ZNF624: variants seen among roughly 807,000 people sequenced by gnomAD.
ZNF624 encodes zinc finger protein 624.
Under a neutral mutation model 74.7 loss-of-function variants are expected in ZNF624, and 43 were observed. The ratio of observed to expected loss-of-function variants is 0.58; its 90% CI spans 0.45 to 0.74. ZNF624 has a LOEUF of 0.74. Among genes scored for constraint, ZNF624 ranks in the 30% least tolerant of loss-of-function variants. The probability of loss-of-function intolerance (pLI) is 0.00; values close to 1 mark genes in which losing one functional copy is unlikely to be tolerated. For missense variants in ZNF624, 820 were observed against 1,030.0 expected, an observed-to-expected ratio of 0.80 and a Z score of 2.79; for synonymous variants, 331 against 341.3, an observed-to-expected ratio of 0.97 and a Z score of 0.33.
At position 16,621,764 on chromosome 17, in the gene ZNF624, G is replaced by C. The variant is rs1164793364; in HGVS notation, c.*524C>G. The C allele has an allele frequency of 1.3e-5, 2 of 152,200 alleles. No homozygotes were observed. The highest frequency in any genetic ancestry group is 1.3e-4 in the Admixed American group (2 of 15,274). 9.4% of individuals were successfully genotyped at this position (152,200 alleles called of 1,614,324 possible). On this transcript the variant is annotated 3_prime_UTR_variant, in exon 6 of 6. Coordinates refer to ENST00000311331, the MANE Select transcript of ZNF624 (RefSeq NM_020787.4). ...ATAAAAATCTTAAAAACACATTTAG[G>C]ATACTACGTATAACCTAGGGATTAA...
At chr17:16,616,274 G>T (rs1908791103), downstream of ZNF624, among the ~76,000 whole-genome samples, 2 of 151,704 alleles carry the variant, frequency 1.3e-5, no homozygotes, top group African/African-American at 4.8e-5. Flanking sequence ...GGCTTGCCTT[G>T]TTTACACTAA....
At chr17:16,648,465 T>A (rs1909645754) in intron 2 of ZNF624, among the ~76,000 whole-genome samples, 1 of 152,232 alleles carries the variant, frequency 6.6e-6, no homozygotes. Context: ...ATCTTCTATC[T>A]CTGATAGAGA....
At chr17:16,636,557 C>A (rs1301452794) in intron 3 of ZNF624, among the ~76,000 whole-genome samples, 1 of 152,162 alleles carries the variant, frequency 6.6e-6, no homozygotes, top group African/African-American at 2.4e-5. Context: ...AATCTCAGGG[C>A]CGGGCGCCGT....
downstream of ZNF624, chr17:16,616,748 G>C: frequency 1.4e-6 from 1 of 690,484 alleles, no homozygotes; most frequent in Non-Finnish European, 2.2e-6. Flanking sequence ...GTTTTCAAGA[G>C]ATTCCTCTTG....
chr17:16,617,173 C>T (rs2142555804), downstream of ZNF624: 2 of 1,612,668 alleles, frequency 1.2e-6, no homozygotes, highest in Non-Finnish European at 1.7e-6. Context: ...GCCTTTTGAT[C>T]GAGAACGTGA....
Position 16,622,611 on chromosome 17 carries a change from T to C in ZNF624, c.2275A>G (p.Lys759Glu). ...EKPYKCDVCG[K>E]AFRRGSYLTV... ...AGGTAAGAACCCCTCCTGAAGGCTT[T>C]TCCACAGACATCACACTTATAGGGC... The change falls in exon 6 of 6, where the codon AAA becomes GAA. Residue 759 changes from lysine to glutamate, a missense_variant. Transcript: ENST00000311331. The C allele has an allele frequency of 6.2e-7, 1 of 1,614,096 alleles. No individual in the cohort carries two copies. Among genetic ancestry groups the C allele is most frequent in the Non-Finnish European group, 8.5e-7 (1 of 1,179,980 alleles).
chr17:16,624,893 C>T (rs1909031275), intron 5 of ZNF624: 1 of 151,756 alleles, frequency 6.6e-6, no homozygotes, highest in African/African-American at 3.0e-5. Context: ...AAAAATTAGC[C>T]AGGCATGGTG....
intron 3 of ZNF624, among the ~76,000 whole-genome samples, chr17:16,635,572 A>G (rs2142611515): frequency 6.6e-6 from 1 of 152,304 alleles, no homozygotes; most frequent in East Asian, 1.9e-4. Flanking sequence ...AGTGACTTTG[A>G]AACAGTAATT....
Position 16,649,797 on chromosome 17 carries a change from G to C in ZNF624, c.-2-51C>G, listed in dbSNP as rs368286142. ...AACCAATCCTGCCTGGGGAATTTCA[G>C]ACTCACCAAGTTGGAATCCTGACAT... On this transcript the variant is annotated intron_variant, in intron 1 of 5. Coordinates refer to ENST00000311331, the MANE Select transcript of ZNF624 (RefSeq NM_020787.4). 388 of 1,470,996 alleles carry C rather than the reference G, an allele frequency of 2.6e-4. 1 individual carries two copies. The African/African-American group carries it at 4.8e-3, about 18-fold the overall frequency. 91.1% of individuals were successfully genotyped at this position (1,470,996 alleles called of 1,614,324 possible). A position where few individuals can be genotyped will look rare whatever the true frequency, so the allele number is the denominator to read the frequency against.
intron 3 of ZNF624, among the ~76,000 whole-genome samples, chr17:16,646,899 T>C (rs1265869481): frequency 6.6e-6 from 1 of 152,226 alleles, no homozygotes; most frequent in Non-Finnish European, 1.5e-5. Flanking sequence ...ATTTTTCTTA[T>C]CACAACAAAT....
At chr17:16,617,651 G>C (rs1427622894), downstream of ZNF624, 2 of 1,606,920 alleles carry the variant, frequency 1.2e-6, no homozygotes, top group African/African-American at 1.3e-5. Context: ...TGTAGCTGTC[G>C]CGATTGCGAC....
At chr17:16,646,604 T>C (rs1434904101) in intron 3 of ZNF624, among the ~76,000 whole-genome samples, 2 of 152,238 alleles carry the variant, frequency 1.3e-5, no homozygotes, top group Non-Finnish European at 2.9e-5. Flanking sequence ...GGAATAAGAC[T>C]GCAAAATTGG....
intron 3 of ZNF624, among the ~76,000 whole-genome samples, chr17:16,645,954 A>G (rs1909582388): frequency 6.6e-6 from 1 of 151,358 alleles, no homozygotes; most frequent in African/African-American, 2.4e-5. Context: ...TCAAAAAAAA[A>G]AAAAAAAAAA....
intron 3 of ZNF624, among the ~76,000 whole-genome samples, chr17:16,638,699 C>A (rs1909394978): frequency 6.6e-6 from 1 of 150,484 alleles, no homozygotes; most frequent in South Asian, 2.1e-4. Flanking sequence ...ACATCACACT[C>A]CGGGGGACTG....
Position 16,647,380 on chromosome 17 carries a change from G to C in ZNF624, c.102C>G (p.Thr34=). The C allele has an allele frequency of 3.1e-6, 5 of 1,614,044 alleles. No homozygotes were observed. The highest frequency in any genetic ancestry group is 4.2e-6 in the Non-Finnish European group (5 of 1,179,988). The part of the protein sequence containing the change: ...FSVGRLSPEV[T]QPDEDLHLQA... ...GAAGGTGAAGATCTTCATCTGGCTGGGTAACTTCAGGGCTCTGATGGGATA... is the reference window on the plus strand; with the variant it reads ...GAAGGTGAAGATCTTCATCTGGCTGCGTAACTTCAGGGCTCTGATGGGATA... Residue 34 remains threonine, a synonymous_variant, in exon 3 of 6, where the codon ACC becomes ACG. Transcript: ENST00000311331.
chr17:16,647,294 T>C (rs547136608), intron 3 of ZNF624, 35 bp downstream of exon 3: 1 of 1,547,676 alleles, frequency 6.5e-7, no homozygotes, highest in South Asian at 1.1e-5. Context: ...AGGCATTTTC[T>C]CTGTATTCAT....
chr17:16,648,891 T>C (rs1338293675), intron 2 of ZNF624, among the ~76,000 whole-genome samples: 1 of 152,210 alleles, frequency 6.6e-6, no homozygotes, highest in Non-Finnish European at 1.5e-5. Context: ...CTCTGAAGCC[T>C]TGCCCTTAAA....
Position 16,634,648 on chromosome 17 carries a change from T to C in ZNF624, c.262A>G (p.Arg88Gly), listed in dbSNP as rs762483479. 2.5e-6 allele frequency: 4 copies of C among 1,613,448 alleles called. No individual in the cohort carries two copies. The Admixed American group carries it at 6.7e-5, about 27-fold the overall frequency. The change falls in exon 4 of 6, where the codon AGG becomes GGG. Residue 88 changes from arginine (R) to glycine (G), a missense_variant. By Grantham distance (125) the Arg-to-Gly change is moderately radical. Transcript: ENST00000311331. ...TCCTTACCCAGGGAGACCAGATTCC[T>C]GTAATTCTCTAGCATCACATCCTTG... ...LHKDVMLENYRNLVSLGLAVS... is the reference protein window; with the variant it reads ...LHKDVMLENYGNLVSLGLAVS...
At chr17:16,635,786 T>C (rs759015595) in intron 3 of ZNF624, among the ~76,000 whole-genome samples, 1 of 150,236 alleles carries the variant, frequency 6.7e-6, no homozygotes, top group Admixed American at 6.7e-5. Flanking sequence ...AGAAAGAAGA[T>C]AGAAATGTAA....
Sources: allele counts gnomAD v4.1 joint callset (sites outside exome capture counted in the v4.1 genomes callset), GRCh38; gene constraint gnomAD v4.1.1; transcripts MANE v1.5; gene names NCBI Gene and HGNC (gene_info 2026-07-23, HGNC 2026-07-21).